The following FHL5 variants were observed in gnomAD, a reference collection of about 807,000 sequenced individuals.
The protein encoded by FHL5 is four and a half LIM domains 5.
FHL5 carries 33 observed loss-of-function variants against 32.0 expected under a neutral mutation model. The ratio of observed to expected loss-of-function variants is 1.03; its 90% confidence interval spans 0.78 to 1.38. FHL5 has a LOEUF of 1.38. Among genes scored for constraint, FHL5 ranks in the 40% most tolerant of loss-of-function variants. The pLI, the probability that FHL5 is intolerant of heterozygous loss-of-function variation, is 0.00. For missense variants in FHL5, 336 were observed against 343.9 expected, an observed-to-expected ratio of 0.98 and a Z score of 0.18; for synonymous variants, 114 against 113.6, an observed-to-expected ratio of 1.00 and a Z score of -0.02.
At chr6:96,602,450 T>TGAGACGGAG in intron 1 of FHL5, among the ~76,000 whole-genome samples, 1 of 120,318 alleles carries the variant, frequency 8.3e-6, no homozygotes, top group African/African-American at 3.5e-5. Flanking sequence ...TTTTTTTTTT[T>TGAGACGGAG]TTTTTTTTTT....
At chr6:96,569,264 G>A (rs1038009142) in intron 1 of FHL5, among the ~76,000 whole-genome samples, 9 of 151,800 alleles carry the variant, frequency 5.9e-5, no homozygotes, top group African/African-American at 9.7e-5. Context: ...AAAGTTCCTC[G>A]TTATTTTGAT....
At chr6:96,599,966 C>T (rs912382302) in intron 1 of FHL5, among the ~76,000 whole-genome samples, 1 of 152,108 alleles carries the variant, frequency 6.6e-6, no homozygotes, top group Non-Finnish European at 1.5e-5. Flanking sequence ...TCACATAGTC[C>T]TCATCCTCTT....
At chr6:96,562,724 AGAGCATGG>A (rs1346707797), upstream of FHL5, 2 of 152,176 alleles carry the variant, frequency 1.3e-5, no homozygotes, top group Non-Finnish European at 2.9e-5. Flanking sequence ...TTTGCAGGTA[AGAGCATGG>A]GACCTCATCC....
chr6:96,577,941 C>CAAA (rs201913399), intron 1 of FHL5, among the ~76,000 whole-genome samples: 1 of 102,940 alleles, frequency 9.7e-6, no homozygotes. Flanking sequence ...CTTCTTCTTT[C>CAAA]AAAAAAAAAA....
rs1450128525 is a variant in FHL5, at chr6:96,602,436, T to C, written c.-12-1166T>C. Among the ~76,000 whole-genome samples the C allele has an allele frequency of 4.7e-3, 458 of 96,834 alleles. 19 individuals carry two copies. Among genetic ancestry groups the C allele is most frequent in the African/African-American group, 8.8e-3 (184 of 20,976 alleles). 63.5% of individuals were successfully genotyped at this position (96,834 alleles called of 152,430 possible). A position where few individuals can be genotyped will look rare whatever the true frequency, so the allele number is the denominator to read the frequency against. On this transcript the variant is annotated intron_variant, in intron 1 of 5. Transcript: ENST00000450218. ...CTATATGCGTTGTTTCTTTTTTTTT[T>C]TTTTTTTTTTTTTTTTTTTTTTTTT...
intron 1 of FHL5, among the ~76,000 whole-genome samples, chr6:96,582,860 C>T (rs1770722981): frequency 6.6e-6 from 1 of 152,026 alleles, no homozygotes; most frequent in African/African-American, 2.4e-5. Flanking sequence ...AAAGAGCCTC[C>T]TTCTTCAAAA....
chr6:96,602,439 T>C (rs1315030655), intron 1 of FHL5, among the ~76,000 whole-genome samples: 12 of 104,604 alleles, frequency 1.1e-4, no homozygotes, highest in African/African-American at 1.8e-4. Flanking sequence ...TTTTTTTTTT[T>C]TTTTTTTTTT....
intron 1 of FHL5, among the ~76,000 whole-genome samples, chr6:96,575,404 G>A (rs988315183): frequency 6.6e-6 from 1 of 152,126 alleles, no homozygotes; most frequent in Non-Finnish European, 1.5e-5. Context: ...AAAACAAAAC[G>A]TGCATGAGAG....
chr6:96,568,061 G>A (rs1562050396), intron 1 of FHL5, among the ~76,000 whole-genome samples: 1 of 151,476 alleles, frequency 6.6e-6, no homozygotes, highest in African/African-American at 2.4e-5. Flanking sequence ...CCAAATCTTA[G>A]AAGAAAAGCT....
At chr6:96,569,357 C>A (rs929535018) in intron 1 of FHL5, among the ~76,000 whole-genome samples, 1 of 151,912 alleles carries the variant, frequency 6.6e-6, no homozygotes, top group African/African-American at 2.4e-5. Context: ...CTAACGTGGT[C>A]TATGCTAAAG....
At chr6:96,567,415 A>G (rs2127957687) in intron 1 of FHL5, among the ~76,000 whole-genome samples, 1 of 151,936 alleles carries the variant, frequency 6.6e-6, no homozygotes, top group African/African-American at 2.4e-5. Context: ...TTGAAGTTCA[A>G]AATGTGATTT....
intron 1 of FHL5, among the ~76,000 whole-genome samples, chr6:96,594,273 A>G (rs1279193681): frequency 4.0e-4 from 44 of 109,948 alleles, no homozygotes; most frequent in African/African-American, 1.3e-3. Context: ...ATATATATAT[A>G]TGTATGTATG....
chr6:96,592,227 G>C (rs567711053), intron 1 of FHL5, among the ~76,000 whole-genome samples: 4 of 152,128 alleles, frequency 2.6e-5, no homozygotes, highest in African/African-American at 9.7e-5. Flanking sequence ...GACCATAGAA[G>C]ATGGCCACAC....
At chr6:96,565,124 C>A (rs1770328902) in intron 1 of FHL5, among the ~76,000 whole-genome samples, 1 of 152,086 alleles carries the variant, frequency 6.6e-6, no homozygotes, top group Non-Finnish European at 1.5e-5. Flanking sequence ...TGATGACATA[C>A]CCTAGTATTT....
In FHL5 at chr6:96,616,387, G is replaced by A. The variant is rs1771522070; in HGVS notation, c.*615G>A. 1 of 152,102 alleles carries A rather than the reference G, an allele frequency of 6.6e-6. No homozygotes were observed. Among genetic ancestry groups the A allele is most frequent in the Non-Finnish European group, 1.5e-5 (1 of 68,044 alleles). The allele number at this position is 152,102 out of a possible 1,614,324, so 9.4% of individuals were successfully genotyped here. A position where few individuals can be genotyped will look rare whatever the true frequency, so the allele number is the denominator to read the frequency against. ...TTGCTAGTTCTGTGTTTACTCAATG[G>A]AATATGAGAACTGAGGACATTATGG... On this transcript the variant is annotated 3_prime_UTR_variant, in exon 6 of 6. Transcript: ENST00000450218.
chr6:96,597,387 A>T (rs1281485963), intron 1 of FHL5, among the ~76,000 whole-genome samples: 1 of 152,052 alleles, frequency 6.6e-6, no homozygotes, highest in East Asian at 1.9e-4. Flanking sequence ...CACATTTTGT[A>T]CAGAAGGCAT....
At chr6:96,594,902 G>A (rs1048642950) in intron 1 of FHL5, among the ~76,000 whole-genome samples, 1 of 151,742 alleles carries the variant, frequency 6.6e-6, no homozygotes, top group African/African-American at 2.4e-5. Flanking sequence ...AGCAATACAA[G>A]GATTAACAAT....
intron 1 of FHL5, among the ~76,000 whole-genome samples, chr6:96,602,257 T>A (rs1265585024): frequency 6.6e-6 from 1 of 151,782 alleles, no homozygotes; most frequent in Admixed American, 6.6e-5. Flanking sequence ...AAAAGAAAAA[T>A]TATGTGGGGG....
chr6:96,582,536 C>CT (rs963296953), intron 1 of FHL5, among the ~76,000 whole-genome samples: 9 of 149,968 alleles, frequency 6.0e-5, no homozygotes, highest in Admixed American at 1.3e-4. Context: ...ATATGAAGCA[C>CT]TTTTTTTTTT....
Sources: allele counts gnomAD v4.1 joint callset (sites outside exome capture counted in the v4.1 genomes callset), GRCh38; gene constraint gnomAD v4.1.1; transcripts MANE v1.5; gene names NCBI Gene and HGNC (gene_info 2026-07-23, HGNC 2026-07-21).